Variants in NR6A1 observed in about 807,000 individuals in gnomAD.
NR6A1 encodes retinoic acid receptor-related testis-associated receptor.
Under a neutral mutation model 59.1 loss-of-function variants are expected in NR6A1, and 7 were observed. That is an observed-to-expected ratio of 0.12 (90% CI 0.07 to 0.22). NR6A1 has a LOEUF of 0.22. NR6A1 is among the 10% of genes least tolerant of loss of function. NR6A1 has a pLI of 1.00. For synonymous variants in NR6A1, 243 were observed against 236.1 expected, an observed-to-expected ratio of 1.03 and a Z score of -0.27; for missense variants, 468 against 611.6, an observed-to-expected ratio of 0.77 and a Z score of 2.48.
intron 2 of NR6A1, among the ~76,000 whole-genome samples, chr9:124,640,365 T>C (rs1363110433): frequency 6.6e-6 from 1 of 152,176 alleles, no homozygotes; most frequent in African/African-American, 2.4e-5. Context: ...TTTCCACAAA[T>C]GTTTGGTACT....
chr9:124,640,779 C>A (rs1010953325), intron 2 of NR6A1, among the ~76,000 whole-genome samples: 1 of 151,930 alleles, frequency 6.6e-6, no homozygotes, highest in Non-Finnish European at 1.5e-5. Flanking sequence ...TGCACCACCA[C>A]ACCCAGCTAA....
intron 3 of NR6A1, 126 bp downstream of exon 3, chr9:124,554,202 G>A (rs912112406): frequency 7.0e-6 from 10 of 1,420,840 alleles, no homozygotes; most frequent in Non-Finnish European, 9.6e-6. Flanking sequence ...TTCATTTTTG[G>A]TTATGAGTAC....
chr9:124,765,513 T>C (rs561973830), intron 1 of NR6A1, among the ~76,000 whole-genome samples: 1 of 152,276 alleles, frequency 6.6e-6, no homozygotes, highest in East Asian at 1.9e-4. Flanking sequence ...AAAATGCAAA[T>C]GAAGTTTCAA....
At chr9:124,573,424 T>A (rs1010023704) in intron 2 of NR6A1, among the ~76,000 whole-genome samples, 29 of 152,204 alleles carry the variant, frequency 1.9e-4, no homozygotes, top group African/African-American at 6.3e-4. Context: ...TAACTTGAAA[T>A]CTTTCACCCT....
chr9:124,563,181 A>C (rs536153725), intron 2 of NR6A1, among the ~76,000 whole-genome samples: 45 of 152,376 alleles, frequency 3.0e-4, no homozygotes, highest in Non-Finnish European at 6.2e-4. Flanking sequence ...AATGTTTTCC[A>C]AATTACAAGT....
intron 2 of NR6A1, among the ~76,000 whole-genome samples, chr9:124,577,895 G>C (rs1354971631): frequency 1.3e-5 from 2 of 152,198 alleles, no homozygotes; most frequent in African/African-American, 4.8e-5. Context: ...CCTTAAAACA[G>C]ATATGTAAAT....
chr9:124,564,441 T>A lies in NR6A1; in HGVS notation c.143-9871A>T. Reference sequence around the variant, plus strand: ...CTATACCATGCACAGAAATGAAAAATTTTAAAAGATGCCGTTTACAATAGC... The same window carrying A: ...CTATACCATGCACAGAAATGAAAAAATTTAAAAGATGCCGTTTACAATAGC... On this transcript the variant is annotated intron_variant, in intron 2 of 9. Transcript: ENST00000487099. Among the ~76,000 whole-genome samples the A allele has an allele frequency of 1.3e-5, 2 of 152,058 alleles. 1 individual carries two copies. The highest frequency in any genetic ancestry group is 2.9e-5 in the Non-Finnish European group (2 of 68,006).
intron 1 of NR6A1, among the ~76,000 whole-genome samples, chr9:124,767,669 G>A (rs188738304): frequency 1.3e-5 from 2 of 152,218 alleles, no homozygotes; most frequent in Admixed American, 1.3e-4. Flanking sequence ...GAACTGAAAA[G>A]TTAAATCATC....
rs1833338031 is a variant in NR6A1, at chr9:124,538,212, T to G, written c.704A>C (p.His235Pro). The G allele has an allele frequency of 1.2e-6, 2 of 1,614,014 alleles. No individual in the cohort carries two copies. The highest frequency in any genetic ancestry group is 1.7e-6 in the Non-Finnish European group (2 of 1,179,988). Residue 235 changes from histidine to proline, a missense_variant, in exon 6 of 10, where the codon CAC (histidine) becomes CCC (proline). His to Pro is a moderately conservative substitution (Grantham distance 77). This residue lies in a region of NR6A1 where 151 missense variants were observed against 142.8 expected (regional missense o/e 1.06). Coordinates refer to ENST00000487099, the MANE Select transcript of NR6A1 (RefSeq NM_033334.4). ...YIPHLFSYSG[H>P]SPLLPQQARS... ...AGCTTGTTGGGGCAGAAGTGGTGAG[T>G]GGCCAGAATAGCTAAAAAGGTGCGG...
chr9:124,735,192 T>C lies in NR6A1; in HGVS notation c.101-1843A>G, dbSNP rs555952541. Among the ~76,000 whole-genome samples, 172 of 152,296 alleles carry C rather than the reference T, an allele frequency of 1.1e-3. 1 individual carries two copies. The highest frequency in any genetic ancestry group is 3.8e-3 in the African/African-American group (156 of 41,572). On this transcript the variant is annotated intron_variant, in intron 1 of 9. Coordinates refer to ENST00000487099, the MANE Select transcript of NR6A1 (RefSeq NM_033334.4). The stretch of plus-strand genomic sequence containing the variant: ...TGGGCTGTTCTGACCACACCAAACA[T>C]GCCACATTCTTTCTTGCCTTTCTGT...
intron 2 of NR6A1, among the ~76,000 whole-genome samples, chr9:124,561,015 G>A (rs764286140): frequency 4.2e-4 from 64 of 152,262 alleles, no homozygotes; most frequent in Non-Finnish European, 8.5e-4. Flanking sequence ...GGATAGAAAA[G>A]AAAATGACAG....
At chr9:124,686,249 A>C (rs1411119177) in intron 2 of NR6A1, among the ~76,000 whole-genome samples, 1 of 152,236 alleles carries the variant, frequency 6.6e-6, no homozygotes, top group Non-Finnish European at 1.5e-5. Flanking sequence ...TCACTGATAC[A>C]TCATCTGCGC....
intron 2 of NR6A1, among the ~76,000 whole-genome samples, chr9:124,649,721 A>G (rs180703596): frequency 7.9e-5 from 12 of 152,366 alleles, no homozygotes; most frequent in Admixed American, 7.2e-4. Context: ...CAAGAGATGA[A>G]TAACTAAATA....
At chr9:124,685,312 T>C (rs762608823) in intron 2 of NR6A1, among the ~76,000 whole-genome samples, 24 of 152,326 alleles carry the variant, frequency 1.6e-4, no homozygotes, top group Non-Finnish European at 1.9e-4. Flanking sequence ...ACATTTCCCA[T>C]CGCTACCACT....
chr9:124,547,289 A>C (rs565859668), intron 3 of NR6A1, among the ~76,000 whole-genome samples: 34 of 152,204 alleles, frequency 2.2e-4, no homozygotes, highest in African/African-American at 7.9e-4. Flanking sequence ...AGCTAACTAC[A>C]TCAAAGCTCC....
chr9:124,585,273 G>T (rs1300984344), intron 2 of NR6A1, among the ~76,000 whole-genome samples: 2 of 152,192 alleles, frequency 1.3e-5, no homozygotes, highest in African/African-American at 4.8e-5. Context: ...AGGCGCAGTG[G>T]CTCATGCCTG....
At chr9:124,525,874 T>C (rs1832920248) in intron 8 of NR6A1, among the ~76,000 whole-genome samples, 1 of 152,216 alleles carries the variant, frequency 6.6e-6, no homozygotes, top group African/African-American at 2.4e-5. Context: ...GCCATCAGAA[T>C]GTATACTTCT....
At chr9:124,582,477 T>C (rs1415768963) in intron 2 of NR6A1, among the ~76,000 whole-genome samples, 1 of 152,014 alleles carries the variant, frequency 6.6e-6, no homozygotes, top group Non-Finnish European at 1.5e-5. Context: ...CTAGGCTTAA[T>C]ACCTGGGTGA....
At chr9:124,616,179 C>T (rs140436184) in intron 2 of NR6A1, among the ~76,000 whole-genome samples, 1 of 151,818 alleles carries the variant, frequency 6.6e-6, no homozygotes, top group African/African-American at 2.4e-5. Flanking sequence ...GAGCAGATCA[C>T]CTGAGGCCAG....
Sources: allele counts gnomAD v4.1 joint callset (sites outside exome capture counted in the v4.1 genomes callset), GRCh38; gene constraint gnomAD v4.1.1; regional missense constraint gnomAD v4.1.1; transcripts MANE v1.5; gene names NCBI Gene and HGNC (gene_info 2026-07-23, HGNC 2026-07-21).